The following HDGFL3 variants were observed in gnomAD, a reference collection of about 807,000 sequenced individuals.
The protein encoded by HDGFL3 is hepatoma-derived growth factor-related protein 3.
Under a neutral mutation model 27.6 loss-of-function variants are expected in HDGFL3, and 6 were observed. The observed-to-expected ratio is 0.22, with a 90% CI of 0.12 to 0.43. The LOEUF is 0.43. HDGFL3 is among the 20% of genes least tolerant of loss of function. HDGFL3 has a pLI of 1.00. For synonymous variants in HDGFL3, 88 were observed against 88.9 expected, an observed-to-expected ratio of 0.99 and a Z score of 0.05; for missense variants, 207 against 250.1, an observed-to-expected ratio of 0.83 and a Z score of 1.16.
chr15:83,158,753 G>A (rs533236095), intron 2 of HDGFL3, among the ~76,000 whole-genome samples: 3 of 152,224 alleles, frequency 2.0e-5, no homozygotes, highest in East Asian at 1.9e-4. Flanking sequence ...TACTATCCAC[G>A]GTTTTAGGCA....
In HDGFL3 at chr15:83,134,800, A is replaced by G. The variant is rs139459722; in HGVS notation, c.*4470T>C. ...AAATGTGGCTTCCAGTCCAGAGAAA[A>G]TGCTTGGTTATATATTCAGAAAAAC... On this transcript the variant is annotated 3_prime_UTR_variant, in exon 6 of 6. Coordinates refer to ENST00000299633, the MANE Select transcript of HDGFL3 (RefSeq NM_016073.4). 2 of 152,336 alleles carry G rather than the reference A, an allele frequency of 1.3e-5. No homozygotes were observed. Among genetic ancestry groups the G allele is most frequent in the Admixed American group, 1.3e-4 (2 of 15,302 alleles). 9.4% of individuals were successfully genotyped at this position (152,336 alleles called of 1,614,324 possible).
chr15:83,149,713 G>C (rs1263630767), intron 5 of HDGFL3, among the ~76,000 whole-genome samples: 1 of 152,138 alleles, frequency 6.6e-6, no homozygotes, highest in African/African-American at 2.4e-5. Flanking sequence ...AGGAAATGGA[G>C]ACTGGGAGAA....
At chr15:83,167,293 C>T (rs1382526872) in intron 1 of HDGFL3, among the ~76,000 whole-genome samples, 1 of 152,172 alleles carries the variant, frequency 6.6e-6, no homozygotes, top group Non-Finnish European at 1.5e-5. Flanking sequence ...TGGTGGCTCA[C>T]CCCTGTAATC....
chr15:83,148,538 T>C (rs528024687), intron 5 of HDGFL3, among the ~76,000 whole-genome samples: 31 of 151,740 alleles, frequency 2.0e-4, no homozygotes, highest in Middle Eastern at 3.4e-3. Context: ...AGGAGAATGG[T>C]GTGAACCTGG....
chr15:83,152,594 G>C (rs1157748391), intron 4 of HDGFL3, among the ~76,000 whole-genome samples: 1 of 151,648 alleles, frequency 6.6e-6, no homozygotes, highest in Non-Finnish European at 1.5e-5. Flanking sequence ...CCAGCTACTT[G>C]GGAGGCTGAG....
intron 4 of HDGFL3, 139 bp from the exon 5 acceptor site, chr15:83,151,500 C>T (rs2036963243): frequency 6.2e-6 from 4 of 644,480 alleles, no homozygotes; most frequent in Non-Finnish European, 1.0e-5. Context: ...ATGTAGTATG[C>T]CAAGGCTGAG....
chr15:83,126,886 A>G (rs1279508748), downstream of HDGFL3: 1 of 1,541,950 alleles, frequency 6.5e-7, no homozygotes, highest in East Asian at 2.3e-5. Context: ...TCTAAAATTA[A>G]TTTTCTTTTT....
At chr15:83,174,321 G>A (rs1452750199) in intron 1 of HDGFL3, among the ~76,000 whole-genome samples, 1 of 152,056 alleles carries the variant, frequency 6.6e-6, no homozygotes, top group Non-Finnish European at 1.5e-5. Flanking sequence ...CCCCTGAAAT[G>A]TCTCTCAAAG....
At position 83,151,273 on chromosome 15, in the gene HDGFL3, C is replaced by T. The variant is rs990706628; in HGVS notation, c.548G>A (p.Gly183Glu). Residue 183 changes from glycine to glutamate, a missense_variant, in exon 5 of 6, where the codon GGA becomes GAA. Physicochemically the swap from Gly to Glu is moderately conservative, Grantham distance 98. Coordinates refer to ENST00000299633, the MANE Select transcript of HDGFL3 (RefSeq NM_016073.4). ...GTTTCTTGTGTCGTTGCCCGCATCT[C>T]CACCCTCAGAGCTGCTTTTGTTTTC... ...EEENKSSSEG[G>E]DAGNDTRNTT... 8.7e-6 allele frequency: 14 copies of T among 1,613,282 alleles called. No homozygotes were observed. Among genetic ancestry groups the T allele is most frequent in the Non-Finnish European group, 1.0e-5 (12 of 1,179,776 alleles).
chr15:83,197,907 C>T (rs1039585559), intron 1 of HDGFL3, among the ~76,000 whole-genome samples: 63 of 150,060 alleles, frequency 4.2e-4, no homozygotes, highest in African/African-American at 1.4e-3. Flanking sequence ...TGGTGGTGTG[C>T]GCCTGTAATC....
exon 4 of HDGFL3, chr15:83,113,780 T>C (rs2034408558): frequency 6.6e-6 from 1 of 152,398 alleles, no homozygotes; most frequent in Admixed American, 6.5e-5. Flanking sequence ...ACAGTGGGGC[T>C]AGAAGGAAGA....
chr15:83,157,807 G>T, intron 3 of HDGFL3, 96 bp downstream of exon 3: 2 of 1,170,146 alleles, frequency 1.7e-6, no homozygotes, highest in Non-Finnish European at 2.5e-6. Context: ...TGACTTCAAG[G>T]TAACTATTAG....
chr15:83,177,076 C>T (rs954666674), intron 1 of HDGFL3, among the ~76,000 whole-genome samples: 3 of 152,122 alleles, frequency 2.0e-5, no homozygotes, highest in Non-Finnish European at 4.4e-5. Context: ...TGTCACTATG[C>T]CTGGCTAATT....
At chr15:83,171,536 A>G (rs1435922528) in intron 1 of HDGFL3, among the ~76,000 whole-genome samples, 1 of 152,270 alleles carries the variant, frequency 6.6e-6, no homozygotes, top group Non-Finnish European at 1.5e-5. Context: ...TGGTACATAT[A>G]CACCAAGGAA....
At chr15:83,161,559 C>T (rs1207153270) in intron 2 of HDGFL3, among the ~76,000 whole-genome samples, 1 of 152,064 alleles carries the variant, frequency 6.6e-6, no homozygotes, top group East Asian at 1.9e-4. Context: ...TATCTTGTCC[C>T]ACTTTTGGAT....
At chr15:83,202,952 T>C (rs959750548) in intron 1 of HDGFL3, among the ~76,000 whole-genome samples, 1 of 152,140 alleles carries the variant, frequency 6.6e-6, no homozygotes, top group Non-Finnish European at 1.5e-5. Flanking sequence ...TGAAGAAAGT[T>C]GTTATGTATG....
chr15:83,179,391 T>C (rs567695824), intron 1 of HDGFL3: 1 of 152,334 alleles, frequency 6.6e-6, no homozygotes, highest in African/African-American at 2.4e-5. Flanking sequence ...AAAACACAGA[T>C]AGGTACCAAC....
At chr15:83,187,147 TC>T (rs1380225879) in intron 1 of HDGFL3, among the ~76,000 whole-genome samples, 1 of 150,076 alleles carries the variant, frequency 6.7e-6, no homozygotes, top group African/African-American at 2.5e-5. Flanking sequence ...AAGCTACTTT[TC>T]TTGGAAATTC....
rs140147763 is a variant in HDGFL3, at chr15:83,133,153, C to A, written c.*6117G>T. 3.9e-5 allele frequency: 6 copies of A among 152,360 alleles called. No homozygotes were observed. Among genetic ancestry groups the A allele is most frequent in the Admixed American group, 3.9e-4 (6 of 15,302 alleles). 9.4% of individuals were successfully genotyped at this position (152,360 alleles called of 1,614,324 possible). ...GGTTTGTGGTGGAGCTGTGATTTGA[C>A]TCTGGATGTCTAGTTCCAAAGTCAG... On this transcript the variant is annotated 3_prime_UTR_variant, in exon 6 of 6. Transcript: ENST00000299633.
Sources: allele counts gnomAD v4.1 joint callset (sites outside exome capture counted in the v4.1 genomes callset), GRCh38; gene constraint gnomAD v4.1.1; transcripts MANE v1.5; gene names NCBI Gene and HGNC (gene_info 2026-07-23, HGNC 2026-07-21).